HSDL2: variants seen among roughly 807,000 people sequenced by gnomAD.
HSDL2 encodes hydroxysteroid dehydrogenase-like protein 2.
HSDL2 carries 27 observed loss-of-function variants against 46.3 expected under a neutral mutation model. The ratio of observed to expected loss-of-function variants is 0.58; its 90% CI spans 0.43 to 0.80. The LOEUF is 0.80. HSDL2 is among the 30% of genes least tolerant of loss of function. HSDL2 has a pLI of 0.00. For synonymous variants in HSDL2, 153 were observed against 163.6 expected, an observed-to-expected ratio of 0.94 and a Z score of 0.50; for missense variants, 451 against 502.7, an observed-to-expected ratio of 0.90 and a Z score of 0.98.
At chr9:112,421,562 AAT>A (rs1832124014) in intron 6 of HSDL2, among the ~76,000 whole-genome samples, 1 of 152,084 alleles carries the variant, frequency 6.6e-6, no homozygotes, top group Non-Finnish European at 1.5e-5. Flanking sequence ...TTTAAAAAAA[AAT>A]TTTTGTAGTT....
intron 7 of HSDL2, among the ~76,000 whole-genome samples, 166 bp from the exon 8 acceptor site, chr9:112,441,533 G>A (rs149102050): frequency 1.3e-4 from 20 of 152,244 alleles, no homozygotes; most frequent in African/African-American, 4.6e-4. Context: ...ACTGAATTAT[G>A]AGAAAATTAA....
intron 10 of HSDL2, among the ~76,000 whole-genome samples, chr9:112,468,205 G>A (rs950549255): frequency 1.9e-4 from 29 of 152,042 alleles, no homozygotes; most frequent in African/African-American, 2.4e-5. Flanking sequence ...TTTGAAATCA[G>A]AGACATATTT....
At chr9:112,388,869 G>T (rs1019683131) in intron 1 of HSDL2, among the ~76,000 whole-genome samples, 1 of 150,862 alleles carries the variant, frequency 6.6e-6, no homozygotes, top group African/African-American at 2.5e-5. Flanking sequence ...TAGATTAACG[G>T]AGACTAAAGA....
intron 6 of HSDL2, among the ~76,000 whole-genome samples, chr9:112,436,382 A>T (rs1832524380): frequency 6.6e-6 from 1 of 152,024 alleles, no homozygotes. Context: ...TGTAAGTTCC[A>T]TGAAGGTAGA....
At chr9:112,424,523 T>G (rs1435650511) in intron 6 of HSDL2, among the ~76,000 whole-genome samples, 1 of 151,996 alleles carries the variant, frequency 6.6e-6, no homozygotes, top group East Asian at 1.9e-4. Context: ...TCCTTTTTCT[T>G]GCTTTACTGC....
At chr9:112,423,282 T>C (rs1395338932) in intron 6 of HSDL2, among the ~76,000 whole-genome samples, 1 of 152,226 alleles carries the variant, frequency 6.6e-6, no homozygotes, top group African/African-American at 2.4e-5. Context: ...CCAAAAGCAC[T>C]ACACTGTCTT....
chr9:112,441,382 T>C (rs1165250114), intron 7 of HSDL2, among the ~76,000 whole-genome samples: 1 of 152,048 alleles, frequency 6.6e-6, no homozygotes, highest in East Asian at 1.9e-4. Flanking sequence ...TCCTGACAAC[T>C]TCGGAAGAAT....
At chr9:112,454,202 A>ACCCCATTTTGTTTCAT in intron 9 of HSDL2, 40 bp downstream of exon 9, 1 of 1,552,184 alleles carries the variant, frequency 6.4e-7, no homozygotes, top group Non-Finnish European at 8.8e-7. Context: ...TTTATGAAAC[A>ACCCCATTTTGTTTCAT]AAATGGGGTG....
chr9:112,461,845 A>G (rs1347212725), intron 10 of HSDL2, among the ~76,000 whole-genome samples: 1 of 152,184 alleles, frequency 6.6e-6, no homozygotes, highest in African/African-American at 2.4e-5. Context: ...TTTAATTTAC[A>G]TTTCACTTAT....
chr9:112,462,573 G>A (rs1214930119), intron 10 of HSDL2, among the ~76,000 whole-genome samples: 1 of 150,762 alleles, frequency 6.6e-6, no homozygotes, highest in East Asian at 1.9e-4. Context: ...AGTAAATTGA[G>A]CAATATTACT....
intron 1 of HSDL2, among the ~76,000 whole-genome samples, chr9:112,401,810 T>C (rs1831606261): frequency 6.6e-6 from 1 of 152,192 alleles, no homozygotes; most frequent in Non-Finnish European, 1.5e-5. Flanking sequence ...GATACTACTG[T>C]TCATTTTAAT....
chr9:112,411,883 A>G (rs1014115763), intron 4 of HSDL2, among the ~76,000 whole-genome samples: 4 of 152,250 alleles, frequency 2.6e-5, no homozygotes, highest in Non-Finnish European at 4.4e-5. Flanking sequence ...TGTTTAAACA[A>G]ATGCTTAAAA....
At chr9:112,418,569 A>AT (rs1168347434) in intron 5 of HSDL2, among the ~76,000 whole-genome samples, 1 of 151,666 alleles carries the variant, frequency 6.6e-6, no homozygotes, top group Non-Finnish European at 1.5e-5. Flanking sequence ...TCTCAAAAAA[A>AT]AAAAAAAAGT....
intron 1 of HSDL2, among the ~76,000 whole-genome samples, chr9:112,384,557 G>A (rs1347886327): frequency 2.0e-5 from 3 of 151,738 alleles, no homozygotes; most frequent in African/African-American, 7.3e-5. Flanking sequence ...TTAGCCTGTG[G>A]TCCCAGCTAC....
chr9:112,436,148 A>C (rs1832519276), intron 6 of HSDL2, among the ~76,000 whole-genome samples: 1 of 146,368 alleles, frequency 6.8e-6, no homozygotes, highest in African/African-American at 2.5e-5. Flanking sequence ...AGGGTGAGGT[A>C]GGAGGATCGT....
chr9:112,398,697 C>T (rs1175024594), intron 1 of HSDL2, among the ~76,000 whole-genome samples: 1 of 152,014 alleles, frequency 6.6e-6, no homozygotes, highest in East Asian at 1.9e-4. Flanking sequence ...TACCAAGGCC[C>T]AATCACCCCA....
intron 6 of HSDL2, among the ~76,000 whole-genome samples, chr9:112,435,703 TTTTTA>T (rs145196791): frequency 0.13 from 20,033 of 151,824 alleles, 1,755 homozygotes; most frequent in East Asian, 0.2. Flanking sequence ...TAGGTGCTAT[TTTTTA>T]TTTTATTTTA....
intron 1 of HSDL2, among the ~76,000 whole-genome samples, chr9:112,394,687 C>T (rs1831419675): frequency 6.6e-6 from 1 of 152,106 alleles, no homozygotes; most frequent in Non-Finnish European, 1.5e-5. Context: ...ACCAAATGTC[C>T]CCATTCCCCT....
intron 5 of HSDL2, 107 bp downstream of exon 5, chr9:112,417,051 G>C (rs1399315924): frequency 2.2e-5 from 10 of 464,136 alleles, no homozygotes; most frequent in Non-Finnish European, 3.9e-5. Flanking sequence ...ATTCATCATT[G>C]AATTTTCTAT....
Sources: gnomAD v4.1 joint callset for allele counts (sites outside exome capture counted in the v4.1 genomes callset) on GRCh38, gnomAD v4.1.1 for gene constraint, MANE v1.5 for transcripts, NCBI Gene and HGNC (gene_info 2026-07-23, HGNC 2026-07-21) for gene names.